Variants in HELLS observed in about 807,000 individuals in gnomAD.
HELLS encodes helicase, lymphoid specific.
Under a neutral mutation model 120.0 loss-of-function variants are expected in HELLS, and 32 were observed. That is an observed-to-expected ratio of 0.27 (90% confidence interval 0.20 to 0.36). HELLS has a LOEUF of 0.36. Among genes scored for constraint, HELLS ranks in the 10% least tolerant of loss-of-function variants. The pLI is 1.00. For synonymous variants in HELLS, 341 were observed against 323.4 expected (o/e 1.05, Z -0.58); for missense variants, 650 against 993.4 (o/e 0.65, Z 4.65).
At chr10:94,554,307 T>TGAA (rs1843132628) in intron 3 of HELLS, 59 bp downstream of exon 3, 1 of 1,272,128 alleles carries the variant, frequency 7.9e-7, no homozygotes, top group African/African-American at 1.6e-5. Flanking sequence ...ATAGCTTTAT[T>TGAA]GAAGTGTATA....
At chr10:94,575,771 TTGTGTGTGTGTGTGTGTGTG>T (rs71031588) in intron 9 of HELLS, among the ~76,000 whole-genome samples, 2 of 122,772 alleles carry the variant, frequency 1.6e-5, no homozygotes, top group South Asian at 3.1e-4. Context: ...GGGGTTGTGT[TTGTGTGTGTGTGTGTGTGTG>T]TGTGTGTGTG....
chr10:94,576,668 A>G lies in HELLS; in HGVS notation c.895A>G (p.Thr299Ala), dbSNP rs761675110. 5 of 1,584,422 alleles carry G rather than the reference A, an allele frequency of 3.2e-6. No homozygotes were observed. Among genetic ancestry groups the G allele is most frequent in the Non-Finnish European group, 2.6e-6 (3 of 1,159,746 alleles). The change falls in exon 10 of 22, where the codon ACA (threonine) becomes GCA (alanine). Residue 299 changes from threonine to alanine, a missense_variant. Transcript: ENST00000348459. The part of the protein sequence containing the change: ...EFKRFTPDIP[T>A]MLYHGTQEER... ...TCAATATAAAATTTTTCAGATCCCT[A>G]CAATGTTATATCATGGAACCCAGGA... is the stretch of plus-strand genomic sequence containing the variant.
chr10:94,553,705 C>G (rs531474086), intron 2 of HELLS, among the ~76,000 whole-genome samples: 47 of 151,854 alleles, frequency 3.1e-4, no homozygotes, highest in African/African-American at 1.1e-3. Flanking sequence ...TGCACCACCA[C>G]GCCTGGCTAA....
intron 4 of HELLS, 67 bp from the exon 5 acceptor site, chr10:94,562,624 T>A: frequency 9.3e-7 from 1 of 1,077,382 alleles, no homozygotes; most frequent in Non-Finnish European, 1.4e-6. Context: ...AGTTAATCAG[T>A]GCCTTTTAAC....
intron 3 of HELLS, among the ~76,000 whole-genome samples, chr10:94,556,177 A>G (rs981299944): frequency 6.6e-6 from 1 of 152,182 alleles, no homozygotes; most frequent in Non-Finnish European, 1.5e-5. Flanking sequence ...TCAGAATTGA[A>G]TTACAATAGA....
Position 94,593,580 on chromosome 10 carries a change from G to T in HELLS, c.2053G>T (p.Ala685Ser), listed in dbSNP as rs1845595014. ...RAGGLGINLT[A>S]ADTVIIYDSD... ...TGGTGGCCTGGGCATTAATCTGACT[G>T]CAGCAGATACAGTTATCATTTATGA... Residue 685 changes from alanine (A) to serine (S), a missense_variant, in exon 18 of 22, where the codon GCA becomes TCA. Physicochemically the swap from Ala to Ser is moderately conservative, Grantham distance 99. This residue lies in a region of HELLS where 22 missense variants were observed against 78.2 expected (regional missense o/e 0.28). Coordinates refer to ENST00000348459, the MANE Select transcript of HELLS (RefSeq NM_018063.5). 6.2e-6 allele frequency: 10 copies of T among 1,606,346 alleles called. No individual in the cohort carries two copies. The highest frequency in any genetic ancestry group is 6.8e-6 in the Non-Finnish European group (8 of 1,172,954).
chr10:94,559,038 T>G (rs10882476), intron 4 of HELLS, among the ~76,000 whole-genome samples: 24,350 of 152,166 alleles, frequency 0.16, 2,254 homozygotes, highest in East Asian at 0.37. Flanking sequence ...CCTACTCACT[T>G]ACATTTATTT....
chr10:94,570,129 A>G (rs1471240335), intron 6 of HELLS: 1 of 150,130 alleles, frequency 6.7e-6, no homozygotes, highest in Non-Finnish European at 1.5e-5. Flanking sequence ...TGAACCTCTG[A>G]TTGCTGGGCT....
intron 21 of HELLS, among the ~76,000 whole-genome samples, chr10:94,598,681 T>C (rs1338983557): frequency 6.6e-6 from 1 of 151,682 alleles, no homozygotes; most frequent in East Asian, 1.9e-4. Context: ...CTTCACTTAC[T>C]TACTTAGTAT....
At position 94,574,051 on chromosome 10, in the gene HELLS, CG is replaced by C; in HGVS notation, c.571del (p.Val191LeufsTer32). On this transcript the variant is annotated frameshift_variant, in exon 8 of 22. Transcript: ENST00000348459. LOFTEE classifies it high-confidence loss of function. Reference sequence around the variant, plus strand: ...ATAATTAAAGATAGATTGTCTGAAACGGTTAGGCAGAATACTAAATTCTTTT... The same window carrying C: ...ATAATTAAAGATAGATTGTCTGAAACGTTAGGCAGAATACTAAATTCTTTT... ...NSIIKDRLSE[T>X]VRQNTKFFFD... The C allele has an allele frequency of 6.2e-7, 1 of 1,611,122 alleles. No individual in the cohort carries two copies. The highest frequency in any genetic ancestry group is 8.5e-7 in the Non-Finnish European group (1 of 1,177,360).
intron 4 of HELLS, among the ~76,000 whole-genome samples, chr10:94,559,879 T>C (rs962431301): frequency 6.6e-6 from 1 of 152,204 alleles, no homozygotes; most frequent in African/African-American, 2.4e-5. Context: ...CTTGTATTTT[T>C]CCTAGGGGCA....
At chr10:94,587,500 T>A (rs1177007922) in intron 12 of HELLS, among the ~76,000 whole-genome samples, 1 of 152,186 alleles carries the variant, frequency 6.6e-6, no homozygotes, top group Admixed American at 6.5e-5. Flanking sequence ...CAATCCTGGT[T>A]CACTGCAACC....
Position 94,601,554 on chromosome 10 carries a change from A to G in HELLS, c.2449A>G (p.Lys817Glu). 1 of 1,575,588 alleles carries G rather than the reference A, an allele frequency of 6.3e-7. No individual in the cohort carries two copies. Among genetic ancestry groups the G allele is most frequent in the Non-Finnish European group, 8.7e-7 (1 of 1,149,452 alleles). ...IDQMNASGPIKEKMGIFKILE... is the reference protein window; with the variant it reads ...IDQMNASGPIEEKMGIFKILE... ...TCAAATGAATGCTTCAGGACCAATT[A>G]AAGAGAAGATGGGGATATTCAAGAT... The change falls in exon 22 of 22, where the codon AAA (lysine) becomes GAA (glutamate). Residue 817 changes from lysine (K) to glutamate (E), a missense_variant. Around this residue, in one of 9 missense-constraint regions of HELLS, gnomAD observed 90 missense variants for 109.2 expected, o/e 0.82. Coordinates refer to ENST00000348459, the MANE Select transcript of HELLS (RefSeq NM_018063.5).
rs1016816781 is a variant in HELLS at position 94,574,154 on chromosome 10, A to C, written c.672A>C (p.Arg224=). 1 of 1,613,652 alleles carries C rather than the reference A, an allele frequency of 6.2e-7. No individual in the cohort carries two copies. Among genetic ancestry groups the C allele is most frequent in the African/African-American group, 1.3e-5 (1 of 74,926 alleles). ...QPKHFTGGVM[R]WYQVEGMEWL... is the part of the protein sequence containing the mutation. ...AGCACTTCACTGGAGGAGTGATGCG[A>C]TGGTACCAAGTAGAAGGCATGGAAT... Residue 224 remains arginine, a synonymous_variant, in exon 8 of 22, where the codon CGA becomes CGC. Coordinates refer to ENST00000348459, the MANE Select transcript of HELLS (RefSeq NM_018063.5).
In HELLS at chr10:94,582,435, A is replaced by G. The variant is rs183176593; in HGVS notation, c.1230-528A>G. On this transcript the variant is annotated intron_variant, in intron 11 of 21. Coordinates refer to ENST00000348459, the MANE Select transcript of HELLS (RefSeq NM_018063.5). ...TTACTAGCATTTTCCAGAATTGGGT[A>G]TAATGTTACCTATTCTATATTATTA... Among the ~76,000 whole-genome samples, 7 of 152,296 alleles carry G rather than the reference A, an allele frequency of 4.6e-5. No individual in the cohort carries two copies. The East Asian group carries it at 1.2e-3, about 25-fold the overall frequency.
At chr10:94,548,594 AT>A (rs1028717950) in intron 2 of HELLS, among the ~76,000 whole-genome samples, 1 of 152,214 alleles carries the variant, frequency 6.6e-6, no homozygotes, top group Non-Finnish European at 1.5e-5. Flanking sequence ...TTTTAATGAC[AT>A]TTTTAAGCTT....
chr10:94,562,603 A>T (rs1589714990), intron 4 of HELLS, 88 bp from the exon 5 acceptor site: 2 of 896,076 alleles, frequency 2.2e-6, no homozygotes, highest in African/African-American at 1.7e-5. Context: ...CAGGAAACAT[A>T]TTTTTTCTCA....
chr10:94,605,072 T>TTCC (rs1846113354), downstream of HELLS, among the ~76,000 whole-genome samples: 83 of 66,798 alleles, frequency 1.2e-3, no homozygotes, highest in Non-Finnish European at 1.6e-3. Flanking sequence ...GTCTTGTGTC[T>TTCC]CCCCCCCCCC....
At chr10:94,576,875 C>T (rs1844516322) in intron 10 of HELLS, 70 bp downstream of exon 10, 4 of 1,363,910 alleles carry the variant, frequency 2.9e-6, no homozygotes, top group Middle Eastern at 1.9e-4. Context: ...ATCACTTTCT[C>T]ACCATCTGGG....
Sources: gnomAD v4.1 joint callset for allele counts (sites outside exome capture counted in the v4.1 genomes callset) on GRCh38, gnomAD v4.1.1 for gene constraint, gnomAD v4.1.1 regional missense constraint, MANE v1.5 for transcripts, NCBI Gene and HGNC (gene_info 2026-07-23, HGNC 2026-07-21) for gene names.